The following AUH variants were observed in gnomAD, a reference collection of about 807,000 sequenced individuals.
AUH encodes AU RNA binding methylglutaconyl-CoA hydratase.
In AUH, 29 loss-of-function variants were observed where a neutral mutation model predicts 42.3. The ratio of observed to expected loss-of-function variants is 0.69; its 90% CI spans 0.51 to 0.93. The LOEUF (loss-of-function observed/expected upper bound fraction) is 0.93. Ranked by LOEUF, AUH falls within the 40% of genes least tolerant of loss-of-function variation. AUH has a pLI of 0.00. For missense variants in AUH, 452 were observed against 438.1 expected, an observed-to-expected ratio of 1.03 and a Z score of -0.28; for synonymous variants, 174 against 166.4, an observed-to-expected ratio of 1.05 and a Z score of -0.35.
intron 4 of AUH, among the ~76,000 whole-genome samples, chr9:91,317,161 G>A (rs867303950): frequency 3.3e-5 from 5 of 152,260 alleles, no homozygotes; most frequent in Middle Eastern, 3.4e-3. Flanking sequence ...AATCTTGAGT[G>A]CTGAAATGGC....
At chr9:91,359,963 T>C (rs1056635473) in intron 1 of AUH, among the ~76,000 whole-genome samples, 1 of 151,946 alleles carries the variant, frequency 6.6e-6, no homozygotes, top group Non-Finnish European at 1.5e-5. Context: ...CGGGGTCAAC[T>C]TTAAGAAACC....
intron 6 of AUH, among the ~76,000 whole-genome samples, chr9:91,287,666 G>C (rs1826524570): frequency 6.6e-6 from 1 of 151,710 alleles, no homozygotes; most frequent in Non-Finnish European, 1.5e-5. Context: ...CATGAATGAG[G>C]TACTCTTTCA....
intron 6 of AUH, chr9:91,294,714 C>T (rs1332630678): frequency 2.2e-6 from 1 of 455,716 alleles, no homozygotes; most frequent in Non-Finnish European, 4.4e-6. Flanking sequence ...GCCAGAATAT[C>T]AATATTAACA....
At chr9:91,326,007 T>C (rs1391270240) in intron 3 of AUH, among the ~76,000 whole-genome samples, 1 of 152,170 alleles carries the variant, frequency 6.6e-6, no homozygotes, top group African/African-American at 2.4e-5. Flanking sequence ...TAATTATGAC[T>C]TTAGCACAGA....
chr9:91,318,949 G>A (rs900671176), intron 4 of AUH, among the ~76,000 whole-genome samples: 12 of 152,156 alleles, frequency 7.9e-5, no homozygotes, highest in Admixed American at 2.6e-4. Flanking sequence ...TTCTACAAGC[G>A]GCGAGAAGTT....
chr9:91,237,918 C>A (rs763297304), intron 6 of AUH, among the ~76,000 whole-genome samples: 2 of 152,140 alleles, frequency 1.3e-5, no homozygotes, highest in Admixed American at 6.5e-5. Context: ...GTTCTGAATT[C>A]TTTTAAAGAT....
intron 3 of AUH, among the ~76,000 whole-genome samples, chr9:91,346,459 A>T (rs2132016532): frequency 6.6e-6 from 1 of 152,296 alleles, no homozygotes; most frequent in South Asian, 2.1e-4. Flanking sequence ...CTTTGCTCTA[A>T]GTACCTCCTC....
intron 6 of AUH, among the ~76,000 whole-genome samples, chr9:91,293,306 G>C (rs993964360): frequency 6.6e-6 from 1 of 152,236 alleles, no homozygotes; most frequent in Admixed American, 6.5e-5. Flanking sequence ...CAAAAGCTGA[G>C]ATCAGCCAAA....
intron 3 of AUH, among the ~76,000 whole-genome samples, chr9:91,354,855 T>C (rs1265471812): frequency 2.0e-5 from 3 of 151,804 alleles, no homozygotes; most frequent in Non-Finnish European, 2.9e-5. Flanking sequence ...CAAGATCATA[T>C]TCACCTGGTG....
At chr9:91,315,640 C>T (rs1404181714) in intron 4 of AUH, among the ~76,000 whole-genome samples, 1 of 152,152 alleles carries the variant, frequency 6.6e-6, no homozygotes, top group Non-Finnish European at 1.5e-5. Context: ...GAAATGTCCA[C>T]AAGTTTCAAG....
chr9:91,263,766 GTTTCTGGA>G (rs1829823798), intron 6 of AUH, among the ~76,000 whole-genome samples: 1 of 151,914 alleles, frequency 6.6e-6, no homozygotes, highest in African/African-American at 2.4e-5. Flanking sequence ...TTGTATCTAG[GTTTCTGGA>G]TTTAATAATT....
At chr9:91,325,255 T>C (rs968157605) in intron 4 of AUH, 63 bp downstream of exon 4, 28 of 1,366,532 alleles carry the variant, frequency 2.0e-5, no homozygotes, top group Non-Finnish European at 2.9e-5. Context: ...AATGTGTAAC[T>C]TTTTAAATGT....
intron 9 of AUH, among the ~76,000 whole-genome samples, chr9:91,215,158 T>C (rs1287435731): frequency 6.6e-6 from 1 of 152,210 alleles, no homozygotes; most frequent in African/African-American, 2.4e-5. Flanking sequence ...AACAAAACTT[T>C]TTTGCTATTT....
rs143487158 is a variant in AUH, at chr9:91,314,944, G to A, written c.505+10374C>T. Among the ~76,000 whole-genome samples the A allele has an allele frequency of 1.4e-4, 22 of 152,262 alleles. No individual in the cohort carries two copies. The East Asian group carries it at 4.1e-3, about 28-fold the overall frequency. On this transcript the variant is annotated intron_variant, in intron 4 of 9. Transcript: ENST00000375731. ...GTGTCATCTGCTTCTTCTTTTTTGA[G>A]ACGGAGTCTCACTCTGTCACCCAGA...
intron 1 of AUH, among the ~76,000 whole-genome samples, chr9:91,360,001 A>G (rs1816957455): frequency 6.6e-6 from 1 of 151,880 alleles, no homozygotes; most frequent in African/African-American, 2.4e-5. Context: ...TCATCAGGAA[A>G]TCAAGGCTAA....
intron 6 of AUH, among the ~76,000 whole-genome samples, chr9:91,234,434 A>T (rs1828065427): frequency 1.3e-5 from 2 of 152,148 alleles, no homozygotes; most frequent in Admixed American, 1.3e-4. Context: ...TCTAAGCTTC[A>T]ATCTCTATCC....
At chr9:91,291,922 CAAAAAAAA>C (rs10592483) in intron 6 of AUH, among the ~76,000 whole-genome samples, 1 of 87,434 alleles carries the variant, frequency 1.1e-5, no homozygotes. Context: ...GACTCCGTGT[CAAAAAAAA>C]AAAAAAAAAA....
rs371381853 is a variant in AUH at position 91,285,450 on chromosome 9, A to G, written c.655+10571T>C. ...ATTGTGCACATGTACCCTAGAACTT[A>G]AAGTATTAAAAAAAAAAAATCTTGG... On this transcript the variant is annotated intron_variant, in intron 6 of 9. Coordinates refer to ENST00000375731, the MANE Select transcript of AUH (RefSeq NM_001698.3). Among the ~76,000 whole-genome samples the G allele has an allele frequency of 1.5e-4, 23 of 152,192 alleles. No homozygotes were observed. The East Asian group carries it at 3.3e-3, about 22-fold the overall frequency.
At chr9:91,218,595 GGGAA>G (rs1826958101) in intron 7 of AUH, 1 of 983,318 alleles carries the variant, frequency 1.0e-6, no homozygotes, top group Non-Finnish European at 1.2e-6. Flanking sequence ...ACCACACTTT[GGGAA>G]GTAAAGTTTA....
Sources: gnomAD v4.1 joint callset for allele counts (sites outside exome capture counted in the v4.1 genomes callset) on GRCh38, gnomAD v4.1.1 for gene constraint, MANE v1.5 for transcripts, NCBI Gene and HGNC (gene_info 2026-07-23, HGNC 2026-07-21) for gene names.